The following ADARB2 variants were observed in gnomAD, a reference collection of about 807,000 sequenced individuals.
ADARB2 encodes inactive double-stranded RNA-specific editase B2.
Under a neutral mutation model 62.2 loss-of-function variants are expected in ADARB2, and 25 were observed. The ratio of observed to expected loss-of-function variants is 0.40; its 90% CI spans 0.29 to 0.56. ADARB2 has a LOEUF of 0.56. Ranked by LOEUF, ADARB2 falls within the 20% of genes least tolerant of loss-of-function variation. ADARB2 has a pLI of 0.43. For missense variants in ADARB2, 1,071 were observed against 1,077.4 expected (o/e 0.99, Z 0.08); for synonymous variants, 572 against 500.8 (o/e 1.14, Z -1.90).
chr10:1,456,066 C>A (rs1029067447), intron 1 of ADARB2, among the ~76,000 whole-genome samples: 1 of 152,078 alleles, frequency 6.6e-6, no homozygotes, highest in East Asian at 1.9e-4. Context: ...CTTTTCCAGG[C>A]ACATTAACTA....
At chr10:1,331,592 A>C (rs1370851765) in intron 3 of ADARB2, among the ~76,000 whole-genome samples, 1 of 152,226 alleles carries the variant, frequency 6.6e-6, no homozygotes, top group African/African-American at 2.4e-5. Flanking sequence ...GGGGAGGGGA[A>C]AATGCTAACA....
At chr10:1,437,464 T>C (rs1347068008) in intron 1 of ADARB2, among the ~76,000 whole-genome samples, 1 of 152,194 alleles carries the variant, frequency 6.6e-6, no homozygotes, top group African/African-American at 2.4e-5. Flanking sequence ...GCCAGGACGC[T>C]TACAGCAGAC....
In ADARB2 at chr10:1,222,354, A is replaced by T. The variant is rs565875605; in HGVS notation, c.1514-5235T>A. ...AGTAGGTTGCAAAAAATTTTCTCCC[A>T]TTTTGTAGTTTGCCTGTTCACTCTG... is the stretch of plus-strand genomic sequence containing the variant. On this transcript the variant is annotated intron_variant, in intron 6 of 9. Coordinates refer to ENST00000381312, the MANE Select transcript of ADARB2 (RefSeq NM_018702.4). 3.4e-4 allele frequency among the ~76,000 whole-genome samples: 52 copies of T among 152,068 alleles called. 1 individual carries two copies. Among genetic ancestry groups the T allele is most frequent in the African/African-American group, 1.2e-3 (51 of 41,436 alleles).
intron 4 of ADARB2, among the ~76,000 whole-genome samples, chr10:1,253,505 T>G (rs1288328773): frequency 6.6e-6 from 1 of 152,252 alleles, no homozygotes; most frequent in Non-Finnish European, 1.5e-5. Context: ...CATATTTTAA[T>G]GTATTTCCAT....
At position 1,608,837 on chromosome 10, in the gene ADARB2, T is replaced by C. The variant is rs1166787692; in HGVS notation, c.100+128214A>G. 2.2e-4 allele frequency among the ~76,000 whole-genome samples: 27 copies of C among 122,796 alleles called. 1 individual carries two copies. Among genetic ancestry groups the C allele is most frequent in the Non-Finnish European group, 1.6e-5 (1 of 61,306 alleles). 80.6% of individuals were successfully genotyped at this position (122,796 alleles called of 152,430 possible). A position where few individuals can be genotyped will look rare whatever the true frequency, so the allele number is the denominator to read the frequency against. On this transcript the variant is annotated intron_variant, in intron 1 of 9. Coordinates refer to ENST00000381312, the MANE Select transcript of ADARB2 (RefSeq NM_018702.4). Reference sequence around the variant, plus strand: ...AGGAGGAAGGAAGGAGAGAAGGAAGTCTGGGAGGGAGGGGAGATGGGGGTA... The same window carrying C: ...AGGAGGAAGGAAGGAGAGAAGGAAGCCTGGGAGGGAGGGGAGATGGGGGTA...
intron 1 of ADARB2, among the ~76,000 whole-genome samples, chr10:1,658,564 A>C (rs537126828): frequency 4.6e-5 from 7 of 151,506 alleles, no homozygotes; most frequent in Non-Finnish European, 8.8e-5. Flanking sequence ...CTGTCTCTCT[A>C]TCTCTCTCTC....
intron 4 of ADARB2, among the ~76,000 whole-genome samples, chr10:1,257,276 C>T (rs1831088426): frequency 6.6e-6 from 1 of 152,194 alleles, no homozygotes; most frequent in Admixed American, 6.5e-5. Flanking sequence ...GTTGGGGAGG[C>T]CGCCCTGAAC....
At chr10:1,384,812 C>T (rs1462018572) in intron 1 of ADARB2, among the ~76,000 whole-genome samples, 1 of 152,086 alleles carries the variant, frequency 6.6e-6, no homozygotes, top group Non-Finnish European at 1.5e-5. Flanking sequence ...GGGGCCACTG[C>T]TGGATTTGGT....
intron 1 of ADARB2, among the ~76,000 whole-genome samples, chr10:1,463,740 AAG>A (rs149094789): frequency 0.02 from 3,000 of 152,326 alleles, 39 homozygotes; most frequent in Non-Finnish European, 0.028. Context: ...TAAGAATGAA[AAG>A]AGAAGCCACA....
intron 3 of ADARB2, chr10:1,292,304 G>A (rs928801483): frequency 6.6e-6 from 1 of 152,184 alleles, no homozygotes; most frequent in Non-Finnish European, 1.5e-5. Context: ...TTGAAACAGA[G>A]TAGTCACAAA....
At chr10:1,646,429 T>G (rs1328090754) in intron 1 of ADARB2, among the ~76,000 whole-genome samples, 1 of 152,212 alleles carries the variant, frequency 6.6e-6, no homozygotes, top group South Asian at 2.1e-4. Flanking sequence ...AGTGGTCTCA[T>G]TGAATAGGAA....
At chr10:1,597,155 A>C (rs1326673843) in intron 1 of ADARB2, among the ~76,000 whole-genome samples, 1 of 152,224 alleles carries the variant, frequency 6.6e-6, no homozygotes, top group African/African-American at 2.4e-5. Flanking sequence ...CTTCATTAAA[A>C]TCTTGCAAAT....
At chr10:1,428,200 T>G (rs1049727720) in intron 1 of ADARB2, among the ~76,000 whole-genome samples, 2 of 151,944 alleles carry the variant, frequency 1.3e-5, no homozygotes, top group Admixed American at 1.3e-4. Context: ...CTCGAACTCC[T>G]AACCTCAAGA....
chr10:1,345,950 A>G (rs1322631307), intron 3 of ADARB2, among the ~76,000 whole-genome samples: 1 of 152,236 alleles, frequency 6.6e-6, no homozygotes, highest in Admixed American at 6.5e-5. Flanking sequence ...TACTAAAATC[A>G]TCACAAATGA....
chr10:1,652,919 G>A (rs998163174), intron 1 of ADARB2, among the ~76,000 whole-genome samples: 2 of 152,122 alleles, frequency 1.3e-5, no homozygotes, highest in African/African-American at 2.4e-5. Flanking sequence ...GGGCATGCAC[G>A]CTTTCTCTGC....
chr10:1,451,747 G>A (rs138018144), intron 1 of ADARB2, among the ~76,000 whole-genome samples: 17 of 151,608 alleles, frequency 1.1e-4, no homozygotes, highest in South Asian at 2.1e-4. Flanking sequence ...AAGTATACCC[G>A]TATGAGGAGG....
At chr10:1,331,783 A>G (rs1435073783) in intron 3 of ADARB2, among the ~76,000 whole-genome samples, 1 of 152,212 alleles carries the variant, frequency 6.6e-6, no homozygotes, top group East Asian at 1.9e-4. Flanking sequence ...AGTATCAGTA[A>G]AAGTTCTAGA....
At chr10:1,472,124 G>A (rs1831330655) in intron 1 of ADARB2, among the ~76,000 whole-genome samples, 1 of 152,168 alleles carries the variant, frequency 6.6e-6, no homozygotes, top group African/African-American at 2.4e-5. Flanking sequence ...AGAGGGACGT[G>A]GCACCCACAC....
chr10:1,281,576 GT>G (rs1274713202), intron 3 of ADARB2, among the ~76,000 whole-genome samples: 2 of 152,212 alleles, frequency 1.3e-5, no homozygotes, highest in Non-Finnish European at 2.9e-5. Context: ...GACAATTTGC[GT>G]GATTTCTCAG....
Sources: gnomAD v4.1 joint callset for allele counts (sites outside exome capture counted in the v4.1 genomes callset) on GRCh38, gnomAD v4.1.1 for gene constraint, MANE v1.5 for transcripts, NCBI Gene and HGNC (gene_info 2026-07-23, HGNC 2026-07-21) for gene names.